The following MAGI2 variants were observed in gnomAD, a reference collection of about 807,000 sequenced individuals.
The protein encoded by MAGI2 is membrane associated guanylate kinase, WW and PDZ domain containing 2.
Under a neutral mutation model 133.3 loss-of-function variants are expected in MAGI2, and 35 were observed. The ratio of observed to expected loss-of-function variants is 0.26; its 90% CI spans 0.20 to 0.35. The LOEUF (loss-of-function observed/expected upper bound fraction) is 0.35, where lower values mean the gene tolerates loss of function less well. Ranked by LOEUF, MAGI2 falls within the 10% of genes least tolerant of loss-of-function variation. The probability of loss-of-function intolerance (pLI) is 1.00; values close to 1 mark genes in which losing one functional copy is unlikely to be tolerated. For synonymous variants in MAGI2, 729 were observed against 710.6 expected (o/e 1.03, Z -0.41); for missense variants, 1,636 against 1,863.4 (o/e 0.88, Z 2.25).
At chr7:78,434,833 T>C (rs1228110619) in intron 6 of MAGI2, among the ~76,000 whole-genome samples, 1 of 152,058 alleles carries the variant, frequency 6.6e-6, no homozygotes, top group African/African-American at 2.4e-5. Context: ...AAGAAAATAA[T>C]CTTTGAAGCA....
At chr7:78,422,332 C>T (rs1798876201) in intron 6 of MAGI2, among the ~76,000 whole-genome samples, 1 of 152,114 alleles carries the variant, frequency 6.6e-6, no homozygotes, top group Non-Finnish European at 1.5e-5. Flanking sequence ...CTGTATTGTA[C>T]ACTTAAAATT....
At chr7:78,726,492 GA>G (rs1415807716) in intron 2 of MAGI2, among the ~76,000 whole-genome samples, 1 of 152,008 alleles carries the variant, frequency 6.6e-6, no homozygotes, top group African/African-American at 2.4e-5. Context: ...AAGAGGTATG[GA>G]AAAAAACATG....
chr7:78,538,575 ATTATTT>A (rs1398803390), intron 3 of MAGI2, among the ~76,000 whole-genome samples: 1 of 152,014 alleles, frequency 6.6e-6, no homozygotes, highest in African/African-American at 2.4e-5. Flanking sequence ...AGTTGCTATT[ATTATTT>A]TTATGTTGGT....
At chr7:78,761,277 A>G (rs1824479416) in intron 2 of MAGI2, among the ~76,000 whole-genome samples, 2 of 152,172 alleles carry the variant, frequency 1.3e-5, no homozygotes, top group African/African-American at 4.8e-5. Flanking sequence ...GAAGAGAGAA[A>G]TGATTCCATT....
At chr7:78,311,919 C>A (rs556953749) in intron 9 of MAGI2, among the ~76,000 whole-genome samples, 1 of 151,856 alleles carries the variant, frequency 6.6e-6, no homozygotes, top group Non-Finnish European at 1.5e-5. Context: ...TACAGGTGCG[C>A]GCCACCACGC....
intron 2 of MAGI2, among the ~76,000 whole-genome samples, chr7:78,808,702 G>C (rs1324750370): frequency 6.6e-6 from 1 of 152,188 alleles, no homozygotes; most frequent in Non-Finnish European, 1.5e-5. Context: ...CGGAAATGAA[G>C]GGTTCATGTG....
At chr7:79,349,296 A>G (rs1293318657) in intron 1 of MAGI2, among the ~76,000 whole-genome samples, 1 of 151,948 alleles carries the variant, frequency 6.6e-6, no homozygotes, top group South Asian at 2.1e-4. Context: ...TATCTTGCAA[A>G]TGTTGTTTTT....
intron 1 of MAGI2, among the ~76,000 whole-genome samples, chr7:79,226,323 T>C (rs1032458057): frequency 6.6e-6 from 1 of 152,244 alleles, no homozygotes; most frequent in African/African-American, 2.4e-5. Flanking sequence ...GAGTGGTGTC[T>C]GGGGATGAGA....
chr7:78,210,082 T>C (rs2150797867), intron 10 of MAGI2, among the ~76,000 whole-genome samples: 1 of 152,328 alleles, frequency 6.6e-6, no homozygotes, highest in African/African-American at 2.4e-5. Flanking sequence ...TTTTCCTTTA[T>C]ATGGTTCTAT....
intron 2 of MAGI2, among the ~76,000 whole-genome samples, chr7:78,781,426 G>A (rs1826392609): frequency 1.4e-5 from 2 of 146,960 alleles, no homozygotes; most frequent in Admixed American, 6.8e-5. Context: ...TAAATGTGAA[G>A]AGCCTACTAT....
intron 2 of MAGI2, among the ~76,000 whole-genome samples, chr7:78,637,474 G>T (rs973550971): frequency 6.7e-6 from 1 of 150,242 alleles, no homozygotes; most frequent in Non-Finnish European, 1.5e-5. Flanking sequence ...CTCTCATGAA[G>T]AAAAACTATG....
intron 1 of MAGI2, among the ~76,000 whole-genome samples, chr7:79,340,982 T>G (rs1474638199): frequency 6.6e-6 from 1 of 152,110 alleles, no homozygotes; most frequent in South Asian, 2.1e-4. Context: ...ACCTACTGTA[T>G]GAAGCAAACA....
chr7:78,501,591 T>G lies in MAGI2; in HGVS notation c.951A>C (p.Glu317Asp), dbSNP rs747347975. 1 of 1,613,962 alleles carries G rather than the reference T, an allele frequency of 6.2e-7. No homozygotes were observed. Among genetic ancestry groups the G allele is most frequent in the South Asian group, 1.1e-5 (1 of 91,072 alleles). The change falls in exon 5 of 22, where the codon GAA becomes GAC. Residue 317 changes from glutamate (E) to aspartate (D), a missense_variant. Coordinates refer to ENST00000354212, the MANE Select transcript of MAGI2 (RefSeq NM_012301.4). ...NWEMAYTEKG[E>D]VYFIDHNTKT... Reference sequence around the variant, plus strand: ...GTGAAACTCACTCAATGAAGTAGACTTCGCCCTTCTCTGTATAGGCCATTT... The same window carrying G: ...GTGAAACTCACTCAATGAAGTAGACGTCGCCCTTCTCTGTATAGGCCATTT...
At chr7:78,303,236 A>T (rs188854919) in intron 9 of MAGI2, among the ~76,000 whole-genome samples, 1 of 151,920 alleles carries the variant, frequency 6.6e-6, no homozygotes, top group Non-Finnish European at 1.5e-5. Flanking sequence ...TAAATCAGCC[A>T]GGCATGGTGG....
At chr7:79,125,853 A>T (rs1435546840) in intron 1 of MAGI2, 2 of 464,578 alleles carry the variant, frequency 4.3e-6, no homozygotes, top group Non-Finnish European at 8.6e-6. Context: ...GCAGAAGAGG[A>T]GAGCCAGAGA....
chr7:78,644,892 G>T (rs1280875255), intron 2 of MAGI2, among the ~76,000 whole-genome samples: 2 of 152,092 alleles, frequency 1.3e-5, no homozygotes, highest in Non-Finnish European at 2.9e-5. Flanking sequence ...TCAGAAAGAA[G>T]AGGGAATATA....
chr7:79,291,584 A>G (rs1304502356), intron 1 of MAGI2, among the ~76,000 whole-genome samples: 2 of 152,238 alleles, frequency 1.3e-5, no homozygotes, highest in Non-Finnish European at 2.9e-5. Flanking sequence ...CTCATTTTCC[A>G]TTTTTAAAAA....
At chr7:78,156,555 G>A (rs765609369) in intron 16 of MAGI2, among the ~76,000 whole-genome samples, 3 of 152,042 alleles carry the variant, frequency 2.0e-5, no homozygotes, top group East Asian at 3.9e-4. Context: ...CATATTCATC[G>A]AACTCTCATG....
chr7:78,627,444 A>C (rs981276089), intron 2 of MAGI2, among the ~76,000 whole-genome samples: 6 of 152,206 alleles, frequency 3.9e-5, no homozygotes, highest in Admixed American at 1.3e-4. Flanking sequence ...ACTTTTCTTC[A>C]TCAAGCTTAT....
Sources: allele counts gnomAD v4.1 joint callset (sites outside exome capture counted in the v4.1 genomes callset), GRCh38; gene constraint gnomAD v4.1.1; transcripts MANE v1.5; gene names NCBI Gene and HGNC (gene_info 2026-07-23, HGNC 2026-07-21).